The following CSMD2 variants were observed in gnomAD, a reference collection of about 807,000 sequenced individuals.
CSMD2 encodes the protein CUB and Sushi multiple domains 2.
A neutral mutation model predicts 398.5 loss-of-function variants in CSMD2; 130 were observed. That is an observed-to-expected ratio of 0.33 (90% CI 0.28 to 0.38). The LOEUF (loss-of-function observed/expected upper bound fraction) is 0.38. CSMD2 is among the 10% of genes least tolerant of loss of function. The pLI is 1.00. For missense variants in CSMD2, 3,829 were observed against 4,764.9 expected (o/e 0.80, Z 5.78); for synonymous variants, 1,828 against 1,908.5 (o/e 0.96, Z 1.10).
In CSMD2 at chr1:33,788,664, T is replaced by A. The variant is rs753583201; in HGVS notation, c.1599A>T (p.Gln533His). ...VPDLIVSTNH[Q>H]MWLLFQTDGS... Reference sequence around the variant, plus strand: ...CATCAGTCTGGAAGAGGAGCCACATTTGATGATTGGTGCTGACAATGAGAT... The same window carrying A: ...CATCAGTCTGGAAGAGGAGCCACATATGATGATTGGTGCTGACAATGAGAT... The change falls in exon 12 of 71, where the codon CAA (glutamine) becomes CAT (histidine). Residue 533 changes from glutamine (Q) to histidine (H), a missense_variant. Coordinates refer to ENST00000373381, the MANE Select transcript of CSMD2 (RefSeq NM_001281956.2). 1.4e-5 allele frequency: 23 copies of A among 1,613,858 alleles called. No homozygotes were observed. Among genetic ancestry groups the A allele is most frequent in the Non-Finnish European group, 1.9e-5 (22 of 1,179,932 alleles).
intron 25 of CSMD2, among the ~76,000 whole-genome samples, chr1:33,668,512 T>G (rs1018693710): frequency 1.3e-5 from 2 of 152,136 alleles, no homozygotes; most frequent in African/African-American, 2.4e-5. Flanking sequence ...ACTTATCTTA[T>G]AGAAATCAGA....
intron 13 of CSMD2, among the ~76,000 whole-genome samples, chr1:33,760,484 G>C (rs542750778): frequency 6.6e-6 from 1 of 152,138 alleles, no homozygotes; most frequent in Non-Finnish European, 1.5e-5. Flanking sequence ...GAAAATATAC[G>C]TAGCCAGACC....
rs1435719022 is a variant in CSMD2 at position 33,658,190 on chromosome 1, A to G, written c.4256-53T>C. On this transcript the variant is annotated intron_variant, in intron 26 of 70. Transcript: ENST00000373381. ...AAGGTCGCCTGGGTGTCTGCCACTCAGGAGGCTCCCAGCTCATCACCCTCA... is the reference window on the plus strand; with the variant it reads ...AAGGTCGCCTGGGTGTCTGCCACTCGGGAGGCTCCCAGCTCATCACCCTCA... The G allele has an allele frequency of 4.0e-6, 6 of 1,516,216 alleles. No homozygotes were observed. The African/African-American group carries it at 5.5e-5, about 14-fold the overall frequency. The allele number at this position is 1,516,216 out of a possible 1,614,324, so 93.9% of individuals were successfully genotyped here. A position where few individuals can be genotyped will look rare whatever the true frequency, so the allele number is the denominator to read the frequency against.
At chr1:34,092,544 G>C (rs1023045422) in intron 1 of CSMD2, among the ~76,000 whole-genome samples, 1 of 152,156 alleles carries the variant, frequency 6.6e-6, no homozygotes, top group Non-Finnish European at 1.5e-5. Context: ...CAGGTCAGTG[G>C]GTGCGCGCAC....
chr1:33,770,162 ATC>A (rs1237615109), intron 13 of CSMD2, among the ~76,000 whole-genome samples: 1 of 152,238 alleles, frequency 6.6e-6, no homozygotes, highest in Non-Finnish European at 1.5e-5. Context: ...TGTCATAGTC[ATC>A]TTTTTCTACA....
intron 5 of CSMD2, among the ~76,000 whole-genome samples, chr1:33,899,311 C>G (rs1642602309): frequency 6.6e-6 from 1 of 152,230 alleles, no homozygotes; most frequent in African/African-American, 2.4e-5. Flanking sequence ...GGGGAAGAAG[C>G]TGAAGCCAAT....
chr1:33,600,221 G>C, intron 44 of CSMD2: 1 of 714,448 alleles, frequency 1.4e-6, no homozygotes, highest in Non-Finnish European at 2.6e-6. Context: ...CCTGATTTCT[G>C]GTTAAAATAT....
chr1:33,955,043 A>C (rs1645121134), intron 3 of CSMD2, among the ~76,000 whole-genome samples: 1 of 152,186 alleles, frequency 6.6e-6, no homozygotes, highest in Non-Finnish European at 1.5e-5. Flanking sequence ...GTGTTCATTT[A>C]TCACCCGTGG....
At chr1:33,579,016 A>C (rs6425830) in intron 48 of CSMD2, among the ~76,000 whole-genome samples, 3 of 151,978 alleles carry the variant, frequency 2.0e-5, no homozygotes, top group African/African-American at 7.3e-5. Context: ...CGCAGGTGCA[A>C]ATTACACTCA....
chr1:33,760,815 G>A (rs747308377), intron 13 of CSMD2, among the ~76,000 whole-genome samples: 21 of 151,934 alleles, frequency 1.4e-4, no homozygotes, highest in South Asian at 2.1e-4. Flanking sequence ...CTGTCTCCAC[G>A]CATGCTTCTG....
chr1:33,992,721 A>T (rs940576350), intron 3 of CSMD2, among the ~76,000 whole-genome samples: 4 of 151,526 alleles, frequency 2.6e-5, no homozygotes, highest in African/African-American at 9.7e-5. Context: ...AAAAATAAAA[A>T]AAAAAATTAG....
At chr1:34,084,432 A>C (rs1571056222) in intron 2 of CSMD2, among the ~76,000 whole-genome samples, 1 of 152,246 alleles carries the variant, frequency 6.6e-6, no homozygotes, top group South Asian at 2.1e-4. Context: ...CCACCATCAG[A>C]GTGAACAGCA....
chr1:34,025,601 T>C (rs1365585085), intron 3 of CSMD2, among the ~76,000 whole-genome samples: 1 of 152,230 alleles, frequency 6.6e-6, no homozygotes, highest in Non-Finnish European at 1.5e-5. Flanking sequence ...TATGTGTGTG[T>C]GTCACAGTTT....
chr1:33,541,035 T>C, intron 59 of CSMD2, 95 bp downstream of exon 59: 2 of 1,309,990 alleles, frequency 1.5e-6, no homozygotes, highest in African/African-American at 1.5e-5. Flanking sequence ...GGGCTGGCCT[T>C]TCACCCCTCT....
At chr1:33,871,604 G>T (rs1463316692) in intron 5 of CSMD2, among the ~76,000 whole-genome samples, 1 of 152,128 alleles carries the variant, frequency 6.6e-6, no homozygotes, top group Admixed American at 6.5e-5. Flanking sequence ...TGATGTGCCT[G>T]CTCAGGTCTC....
intron 33 of CSMD2, 27 bp from the exon 34 acceptor site, chr1:33,625,281 A>G: frequency 6.3e-7 from 1 of 1,590,682 alleles, no homozygotes; most frequent in Non-Finnish European, 8.6e-7. Flanking sequence ...CACTGAGGGG[A>G]GGCCTCACCC....
intron 5 of CSMD2, among the ~76,000 whole-genome samples, chr1:33,907,954 G>T (rs892335530): frequency 3.9e-5 from 6 of 152,036 alleles, no homozygotes; most frequent in African/African-American, 7.2e-5. Context: ...GGGCATGGTG[G>T]CATGTGCCTG....
Position 33,726,788 on chromosome 1 carries a change from G to C in CSMD2, c.2369-103C>G, listed in dbSNP as rs926334235. On this transcript the variant is annotated intron_variant, in intron 15 of 70. Transcript: ENST00000373381. ...GTGTCAGGCAATAAGTATAGTTTTT[G>C]TTTTTATGGAAAATTACATAAACTA... 2.3e-6 allele frequency: 3 copies of C among 1,286,242 alleles called. No individual in the cohort carries two copies. The Admixed American group carries it at 8.4e-5, about 36-fold the overall frequency. The allele number at this position is 1,286,242 out of a possible 1,614,324, so 79.7% of individuals were successfully genotyped here.
intron 6 of CSMD2, among the ~76,000 whole-genome samples, chr1:33,829,882 A>G (rs953739531): frequency 1.3e-5 from 2 of 152,184 alleles, no homozygotes; most frequent in African/African-American, 4.8e-5. Context: ...GGAGGGTCCT[A>G]CGCCCACGGA....
Sources: allele counts gnomAD v4.1 joint callset (sites outside exome capture counted in the v4.1 genomes callset), GRCh38; gene constraint gnomAD v4.1.1; transcripts MANE v1.5; gene names NCBI Gene and HGNC (gene_info 2026-07-23, HGNC 2026-07-21).